The following SCN11A variants were observed in gnomAD, a reference collection of about 807,000 sequenced individuals.
SCN11A encodes sodium channel protein type 11 subunit alpha.
In SCN11A, 122 loss-of-function variants were observed where a neutral mutation model predicts 162.2. The ratio of observed to expected loss-of-function variants is 0.75; its 90% CI spans 0.65 to 0.87. SCN11A has a LOEUF of 0.87. SCN11A is among the 40% of genes least tolerant of loss of function. SCN11A has a pLI of 0.00. For synonymous variants in SCN11A, 758 were observed against 751.5 expected, an observed-to-expected ratio of 1.01 and a Z score of -0.14; for missense variants, 2,015 against 2,181.6, an observed-to-expected ratio of 0.92 and a Z score of 1.52.
chr3:39,011,107 G>A (rs1195849804), intron 2 of SCN11A, among the ~76,000 whole-genome samples: 1 of 152,180 alleles, frequency 6.6e-6, no homozygotes, highest in Non-Finnish European at 1.5e-5. Context: ...TTTATTTGCA[G>A]GGTGCCAAGC....
chr3:38,916,391 T>C (rs936972491), intron 11 of SCN11A, among the ~76,000 whole-genome samples: 1 of 152,228 alleles, frequency 6.6e-6, no homozygotes, highest in African/African-American at 2.4e-5. Context: ...ATCACCACTG[T>C]ACATCTTCAT....
rs768647693 is a variant in SCN11A, at chr3:38,925,414, C to T, written c.712+1G>A. 1.3e-5 allele frequency: 20 copies of T among 1,598,360 alleles called. No homozygotes were observed. The highest frequency in any genetic ancestry group is 5.0e-5 in the Admixed American group (3 of 59,950). On this transcript the variant is annotated splice_donor_variant, in intron 9 of 29. Coordinates refer to ENST00000302328, the MANE Select transcript of SCN11A (RefSeq NM_001349253.2). LOFTEE classifies it high-confidence loss of function. ...CAGTGTGGAAAGTGAGAGTGACTTACGTGAAACTACTGAAATTGCTTTCAA... is the reference window on the plus strand; with the variant it reads ...CAGTGTGGAAAGTGAGAGTGACTTATGTGAAACTACTGAAATTGCTTTCAA...
At chr3:38,905,646 G>C (rs1007779917) in intron 14 of SCN11A, among the ~76,000 whole-genome samples, 1 of 152,158 alleles carries the variant, frequency 6.6e-6, no homozygotes, top group Admixed American at 6.5e-5. Flanking sequence ...CAATGGTTCC[G>C]GGTATGAAAG....
intron 9 of SCN11A, among the ~76,000 whole-genome samples, chr3:38,925,182 T>C (rs544907138): frequency 2.0e-4 from 29 of 146,614 alleles, no homozygotes; most frequent in Admixed American, 1.1e-3. Context: ...ACCCCCACCA[T>C]AGAAGGTAAA....
chr3:38,966,550 A>G (rs367794152), intron 2 of SCN11A, among the ~76,000 whole-genome samples: 11 of 152,350 alleles, frequency 7.2e-5, no homozygotes, highest in African/African-American at 2.4e-4. Context: ...CAACCAAGTC[A>G]GGGTATCTGG....
At chr3:39,049,862 C>T (rs1016329255) in intron 1 of SCN11A, among the ~76,000 whole-genome samples, 1 of 152,180 alleles carries the variant, frequency 6.6e-6, no homozygotes, top group Non-Finnish European at 1.5e-5. Context: ...TCCTCTGACC[C>T]TGAATTGACC....
intron 2 of SCN11A, among the ~76,000 whole-genome samples, chr3:38,982,011 C>CAA (rs34151284): frequency 0.013 from 1,379 of 102,934 alleles, 10 homozygotes; most frequent in African/African-American, 0.026. Context: ...GACTCTGTCT[C>CAA]AAAAAAAAAA....
rs759921297 is a variant in SCN11A at position 38,903,863 on chromosome 3, A to G, written c.1842+2T>C. The G allele has an allele frequency of 1.9e-6, 3 of 1,570,458 alleles. No individual in the cohort carries two copies. In the East Asian group the frequency reaches 6.7e-5, roughly 35 times the overall value. On this transcript the variant is annotated splice_donor_variant, in intron 16 of 29. Transcript: ENST00000302328. LOFTEE classifies it high-confidence loss of function. ...TTTTATTTTTAAAAAGTGTAATGTT[A>G]CCAAATTCCCTATATTCAACATCTT...
intron 7 of SCN11A, among the ~76,000 whole-genome samples, chr3:38,938,755 G>A (rs1481233512): frequency 4.7e-5 from 7 of 150,438 alleles, no homozygotes; most frequent in Non-Finnish European, 8.9e-5. Flanking sequence ...GTAGAGACGC[G>A]GTTTCTCCAT....
intron 19 of SCN11A, among the ~76,000 whole-genome samples, chr3:38,890,539 G>A (rs961710354): frequency 6.6e-6 from 1 of 152,208 alleles, no homozygotes; most frequent in Admixed American, 6.5e-5. Context: ...GAGTCCCCCT[G>A]GGGTCAAAAC....
chr3:38,933,559 G>C (rs957460193), intron 7 of SCN11A, among the ~76,000 whole-genome samples: 9 of 152,300 alleles, frequency 5.9e-5, no homozygotes, highest in Non-Finnish European at 1.3e-4. Context: ...GCCAAGGCTC[G>C]AGAACTACGT....
At chr3:38,875,273 GTTCTA>G (rs1293915592) in intron 23 of SCN11A, among the ~76,000 whole-genome samples, 1 of 152,034 alleles carries the variant, frequency 6.6e-6, no homozygotes, top group African/African-American at 2.4e-5. Flanking sequence ...ATTCATTTCT[GTTCTA>G]TTCATTTATT....
intron 11 of SCN11A, 68 bp downstream of exon 11, chr3:38,919,867 T>G: frequency 8.9e-7 from 1 of 1,127,876 alleles, no homozygotes; most frequent in Non-Finnish European, 1.3e-6. Context: ...TTAAAGACTG[T>G]TTGCCACACC....
At chr3:38,852,023 T>C (rs138891736) in intron 28 of SCN11A, among the ~76,000 whole-genome samples, 2 of 151,946 alleles carry the variant, frequency 1.3e-5, no homozygotes, top group Non-Finnish European at 2.9e-5. Context: ...GCAGGTTGAG[T>C]TGAGGTGCCA....
At chr3:38,872,334 G>T in intron 23 of SCN11A, 40 bp from the exon 24 acceptor site, 1 of 1,119,882 alleles carries the variant, frequency 8.9e-7, no homozygotes, top group Non-Finnish European at 1.4e-6. Context: ...ACCTGACTTG[G>T]TGTCCAGCTG....
intron 19 of SCN11A, among the ~76,000 whole-genome samples, chr3:38,892,024 A>T (rs1309054870): frequency 1.3e-5 from 2 of 152,250 alleles, no homozygotes; most frequent in African/African-American, 4.8e-5. Flanking sequence ...GAAAATCTTG[A>T]AAGTAGCAAG....
intron 23 of SCN11A, among the ~76,000 whole-genome samples, chr3:38,876,564 T>C (rs1249024208): frequency 6.6e-6 from 1 of 152,086 alleles, no homozygotes; most frequent in Admixed American, 6.6e-5. Flanking sequence ...GAATGGACAA[T>C]TCTCAAAAGA....
intron 2 of SCN11A, among the ~76,000 whole-genome samples, chr3:39,028,226 G>C (rs1437262231): frequency 6.6e-6 from 1 of 152,208 alleles, no homozygotes; most frequent in Non-Finnish European, 1.5e-5. Context: ...CAAGCTCTCA[G>C]ATGCTCTCAC....
intron 2 of SCN11A, among the ~76,000 whole-genome samples, chr3:38,987,412 A>T (rs1026593915): frequency 6.6e-6 from 1 of 151,978 alleles, no homozygotes; most frequent in Non-Finnish European, 1.5e-5. Context: ...TCTGGGGCCC[A>T]TATTTCTAGC....
Sources: allele counts gnomAD v4.1 joint callset (sites outside exome capture counted in the v4.1 genomes callset), GRCh38; gene constraint gnomAD v4.1.1; transcripts MANE v1.5; gene names NCBI Gene and HGNC (gene_info 2026-07-23, HGNC 2026-07-21).